Variants in PXDNL observed in about 807,000 individuals in gnomAD.
PXDNL encodes probable oxidoreductase PXDNL.
Under a neutral mutation model 150.8 loss-of-function variants are expected in PXDNL, and 145 were observed. That is an observed-to-expected ratio of 0.96 (90% CI 0.84 to 1.10). PXDNL has a LOEUF of 1.10. PXDNL is among the 50% of genes least tolerant of loss of function. PXDNL has a pLI of 0.00. For synonymous variants in PXDNL, 757 were observed against 725.7 expected, an observed-to-expected ratio of 1.04 and a Z score of -0.69; for missense variants, 2,087 against 1,873.9, an observed-to-expected ratio of 1.11 and a Z score of -2.10.
In PXDNL at chr8:51,467,901, A is replaced by T. The variant is rs185801037; in HGVS notation, c.812+4286T>A. Among the ~76,000 whole-genome samples, 14 of 152,184 alleles carry T rather than the reference A, an allele frequency of 9.2e-5. No homozygotes were observed. In the East Asian group the frequency reaches 2.7e-3, roughly 29 times the overall value. On this transcript the variant is annotated intron_variant, in intron 8 of 22. Transcript: ENST00000356297. ...GTTTCTCTCATCTTTGAATCTATTC[A>T]ATTATTCTAAAACTACTTATTAAGT...
rs146114455 is a variant in PXDNL, at chr8:51,660,989, G to A, written c.165-6229C>T. 2.2e-4 allele frequency among the ~76,000 whole-genome samples: 34 copies of A among 152,324 alleles called. 1 individual carries two copies. The East Asian group carries it at 6.0e-3, about 27-fold the overall frequency. ...CATTTCAGGACGGTGCTGGGACACT[G>A]TCGGGACACTGCCGCACTGCCCGGC... On this transcript the variant is annotated intron_variant, in intron 1 of 22. Coordinates refer to ENST00000356297, the MANE Select transcript of PXDNL (RefSeq NM_144651.5).
intron 3 of PXDNL, among the ~76,000 whole-genome samples, chr8:51,557,553 A>G (rs915582861): frequency 6.6e-6 from 1 of 152,186 alleles, no homozygotes; most frequent in African/African-American, 2.4e-5. Context: ...TAATGTCATG[A>G]AAATGAAGCC....
chr8:51,505,000 T>C (rs1465925924), intron 4 of PXDNL, among the ~76,000 whole-genome samples: 2 of 152,252 alleles, frequency 1.3e-5, no homozygotes, highest in Non-Finnish European at 2.9e-5. Context: ...TCATAATGTA[T>C]GTTTAATTGT....
chr8:51,449,224 T>A, intron 10 of PXDNL, 106 bp from the exon 11 acceptor site: 1 of 653,088 alleles, frequency 1.5e-6, no homozygotes, highest in Non-Finnish European at 2.7e-6. Context: ...TCAGAATTTG[T>A]TTACAATTAT....
At chr8:51,518,534 T>C (rs935681711) in intron 4 of PXDNL, among the ~76,000 whole-genome samples, 7 of 152,200 alleles carry the variant, frequency 4.6e-5, no homozygotes, top group Admixed American at 2.6e-4. Flanking sequence ...AAGATGTTAA[T>C]GTAATCTTGA....
At chr8:51,379,201 T>C (rs1304767886) in intron 17 of PXDNL, among the ~76,000 whole-genome samples, 1 of 152,222 alleles carries the variant, frequency 6.6e-6, no homozygotes. Flanking sequence ...AAACTTGCCA[T>C]TGAAACTCAT....
chr8:51,753,039 C>G (rs2037062514), intron 1 of PXDNL, among the ~76,000 whole-genome samples: 1 of 152,198 alleles, frequency 6.6e-6, no homozygotes, highest in African/African-American at 2.4e-5. Flanking sequence ...GCCATTCGTC[C>G]TGCACATCAG....
chr8:51,697,491 G>T (rs968275487), intron 1 of PXDNL, among the ~76,000 whole-genome samples: 1 of 152,240 alleles, frequency 6.6e-6, no homozygotes, highest in East Asian at 1.9e-4. Flanking sequence ...AACCCTGCAG[G>T]CCAGGCAGTG....
intron 1 of PXDNL, among the ~76,000 whole-genome samples, chr8:51,743,690 T>C (rs2036931423): frequency 6.6e-6 from 1 of 152,024 alleles, no homozygotes; most frequent in African/African-American, 2.4e-5. Context: ...GCAATTTTTG[T>C]ATTTTTAGTA....
At chr8:51,442,889 C>T (rs527376769) in intron 12 of PXDNL, among the ~76,000 whole-genome samples, 240 of 151,952 alleles carry the variant, frequency 1.6e-3, no homozygotes, top group African/African-American at 5.6e-3. Context: ...TACCTTATGG[C>T]ATTAATTATT....
chr8:51,772,672 T>C (rs1429457138), intron 1 of PXDNL, among the ~76,000 whole-genome samples: 1 of 152,038 alleles, frequency 6.6e-6, no homozygotes, highest in Non-Finnish European at 1.5e-5. Context: ...GTCTCTAGGG[T>C]TGTATGAAGT....
intron 2 of PXDNL, among the ~76,000 whole-genome samples, chr8:51,610,422 G>C (rs1296169868): frequency 6.6e-6 from 1 of 152,064 alleles, no homozygotes; most frequent in Non-Finnish European, 1.5e-5. Context: ...AATTCTATTA[G>C]TATTCAGTCT....
At chr8:51,559,869 C>T (rs574391159) in intron 3 of PXDNL, among the ~76,000 whole-genome samples, 14 of 151,816 alleles carry the variant, frequency 9.2e-5, no homozygotes, top group South Asian at 2.1e-4. Context: ...TAAATTAGGA[C>T]CAGGATTTTA....
At chr8:51,331,392 C>G (rs950980785) in intron 21 of PXDNL, among the ~76,000 whole-genome samples, 3 of 152,134 alleles carry the variant, frequency 2.0e-5, no homozygotes, top group Non-Finnish European at 4.4e-5. Flanking sequence ...AGGAGAGAGG[C>G]TGGAGGAGCA....
Position 51,363,967 on chromosome 8 carries a change from A to C in PXDNL, c.3901+7906T>G, listed in dbSNP as rs28708853. On this transcript the variant is annotated intron_variant, in intron 19 of 22. Transcript: ENST00000356297. The stretch of plus-strand genomic sequence containing the variant: ...ATACTATAGTACTGGGCAAAGCTAG[A>C]GGAACTGACTGAATTGTTTTGGTAA... 4.8e-3 allele frequency among the ~76,000 whole-genome samples: 730 copies of C among 152,338 alleles called. 6 individuals are homozygous for C. Among genetic ancestry groups the C allele is most frequent in the African/African-American group, 0.017 (691 of 41,578 alleles).
At chr8:51,683,725 G>C (rs1815809975) in intron 1 of PXDNL, among the ~76,000 whole-genome samples, 1 of 152,114 alleles carries the variant, frequency 6.6e-6, no homozygotes, top group Admixed American at 6.5e-5. Flanking sequence ...AAAGCCTCTT[G>C]ATAGAACATG....
chr8:51,379,540 T>C (rs936474967), intron 17 of PXDNL, among the ~76,000 whole-genome samples: 1 of 152,134 alleles, frequency 6.6e-6, no homozygotes, highest in Non-Finnish European at 1.5e-5. Context: ...TTTTTCTTAC[T>C]GTTAATTATC....
intron 4 of PXDNL, among the ~76,000 whole-genome samples, chr8:51,550,794 A>G (rs1388934353): frequency 1.3e-5 from 2 of 152,170 alleles, no homozygotes; most frequent in South Asian, 2.1e-4. Context: ...TTTATTCAGC[A>G]TAGTACTGGA....
chr8:51,580,559 AGACTTTT>A (rs1813186206), intron 3 of PXDNL, among the ~76,000 whole-genome samples: 1 of 152,168 alleles, frequency 6.6e-6, no homozygotes, highest in East Asian at 1.9e-4. Context: ...TCTGTTCATT[AGACTTTT>A]GAATATCATG....
Sources: gnomAD v4.1 joint callset for allele counts (sites outside exome capture counted in the v4.1 genomes callset) on GRCh38, gnomAD v4.1.1 for gene constraint, MANE v1.5 for transcripts, NCBI Gene and HGNC (gene_info 2026-07-23, HGNC 2026-07-21) for gene names.